Variants in RPS6KA5 observed in about 807,000 individuals in gnomAD.
RPS6KA5 encodes the protein ribosomal protein S6 kinase alpha-5.
Under a neutral mutation model 85.5 loss-of-function variants are expected in RPS6KA5, and 27 were observed. That is an observed-to-expected ratio of 0.32 (90% CI 0.23 to 0.44). The LOEUF (loss-of-function observed/expected upper bound fraction) is 0.44. Among genes scored for constraint, RPS6KA5 ranks in the 20% least tolerant of loss-of-function variants. RPS6KA5 has a pLI of 1.00. For synonymous variants in RPS6KA5, 334 were observed against 348.2 expected, an observed-to-expected ratio of 0.96 and a Z score of 0.46; for missense variants, 811 against 980.9, an observed-to-expected ratio of 0.83 and a Z score of 2.31.
At chr14:90,960,179 A>G (rs1008720914) in intron 3 of RPS6KA5, among the ~76,000 whole-genome samples, 1 of 152,134 alleles carries the variant, frequency 6.6e-6, no homozygotes, top group African/African-American at 2.4e-5. Flanking sequence ...CATTTCAACA[A>G]GAGCTCTGAC....
intron 3 of RPS6KA5, among the ~76,000 whole-genome samples, chr14:90,947,941 C>T (rs2140370402): frequency 6.6e-6 from 1 of 152,298 alleles, no homozygotes; most frequent in East Asian, 1.9e-4. Context: ...CACAAAGTCC[C>T]ATCCTTTCAT....
chr14:90,920,354 A>G (rs758408659), intron 6 of RPS6KA5, 45 bp from the exon 7 acceptor site: 69 of 1,283,132 alleles, frequency 5.4e-5, no homozygotes, highest in African/African-American at 7.6e-5. Flanking sequence ...ATCAACTAAA[A>G]TATTTTATAA....
chr14:90,886,487 A>AAATGAGGTTAT (rs1260012052), intron 14 of RPS6KA5, among the ~76,000 whole-genome samples: 18 of 152,132 alleles, frequency 1.2e-4, no homozygotes, highest in Non-Finnish European at 1.0e-4. Context: ...TTAGGGAGGT[A>AAATGAGGTTAT]ACTAAGGTTA....
At position 90,962,276 on chromosome 14, in the gene RPS6KA5, G is replaced by T. The variant is rs544965232; in HGVS notation, c.395-14726C>A. 4.7e-4 allele frequency among the ~76,000 whole-genome samples: 70 copies of T among 147,586 alleles called. 1 individual carries two copies. The highest frequency in any genetic ancestry group is 3.5e-3 in the Middle Eastern group (1 of 288). On this transcript the variant is annotated intron_variant, in intron 3 of 16. Coordinates refer to ENST00000614987, the MANE Select transcript of RPS6KA5 (RefSeq NM_004755.4). Reference sequence around the variant, plus strand: ...CCCTATTAAAGAATTTTTTCCTAAGGGTTTTTTTTTACAAAAAACTTATCT... The same window carrying T: ...CCCTATTAAAGAATTTTTTCCTAAGTGTTTTTTTTTACAAAAAACTTATCT...
At position 90,852,341 on chromosome 14, in the gene RPS6KA5, C is replaced by T. The variant is rs2032043923; in HGVS notation, c.*19733G>A. ...GACCTCGTGATCTGCCCGCCTCGGC[C>T]TCCCAACACTTTTGTTTAAAAAATG... On this transcript the variant is annotated 3_prime_UTR_variant, in exon 17 of 17. Transcript: ENST00000614987. The T allele has an allele frequency of 6.6e-6, 1 of 151,942 alleles. No individual in the cohort carries two copies. The highest frequency in any genetic ancestry group is 2.1e-4 in the South Asian group (1 of 4,818). The allele number at this position is 151,942 out of a possible 1,614,324, so 9.4% of individuals were successfully genotyped here.
chr14:90,981,405 G>C (rs533150614), intron 2 of RPS6KA5, among the ~76,000 whole-genome samples: 4 of 151,982 alleles, frequency 2.6e-5, no homozygotes, highest in African/African-American at 9.6e-5. Flanking sequence ...TGTTGTGTGG[G>C]GTTGTAAATA....
chr14:90,987,043 T>C (rs925264951), intron 2 of RPS6KA5, among the ~76,000 whole-genome samples: 3 of 152,230 alleles, frequency 2.0e-5, no homozygotes, highest in Non-Finnish European at 4.4e-5. Flanking sequence ...GACAATGTCA[T>C]TTGACACCTT....
chr14:91,056,930 C>T (rs779545362), intron 1 of RPS6KA5, among the ~76,000 whole-genome samples: 32 of 112,768 alleles, frequency 2.8e-4, no homozygotes, highest in Non-Finnish European at 4.9e-4. Flanking sequence ...GTCAGGCTGG[C>T]GTGCAATGGC....
At chr14:91,030,778 C>T (rs1350337394) in intron 1 of RPS6KA5, among the ~76,000 whole-genome samples, 4 of 151,624 alleles carry the variant, frequency 2.6e-5, no homozygotes, top group Admixed American at 6.6e-5. Flanking sequence ...AACAAAAAAT[C>T]AAGCTCTTAG....
At chr14:90,895,404 T>A (rs1383332334) in intron 12 of RPS6KA5, among the ~76,000 whole-genome samples, 2 of 152,202 alleles carry the variant, frequency 1.3e-5, no homozygotes, top group Admixed American at 1.3e-4. Flanking sequence ...TTGAACCTCC[T>A]GTTAGGACTC....
In RPS6KA5 at chr14:90,923,116, G is replaced by C; in HGVS notation, c.699C>G (p.Asp233Glu). The C allele has an allele frequency of 6.2e-7, 1 of 1,604,480 alleles. No homozygotes were observed. Among genetic ancestry groups the C allele is most frequent in the Non-Finnish European group, 8.5e-7 (1 of 1,172,004 alleles). The change falls in exon 6 of 17, where the codon GAC becomes GAG. Residue 233 changes from aspartate (D) to glutamate (E), a missense_variant. By Grantham distance (45) the Asp-to-Glu change is conservative. Around this residue, in one of 3 missense-constraint regions of RPS6KA5, gnomAD observed 650 missense variants for 793.4 expected, o/e 0.82. Coordinates refer to ENST00000614987, the MANE Select transcript of RPS6KA5 (RefSeq NM_004755.4). ...DIVRGGDSGH[D>E]KAVDWWSLGV... ...AAGCATCAAAAATAGAACATACCTTGTCATGTCCTGAATCTCCCCCTCTGA... is the reference window on the plus strand; with the variant it reads ...AAGCATCAAAAATAGAACATACCTTCTCATGTCCTGAATCTCCCCCTCTGA...
Position 90,947,516 on chromosome 14 carries a change from A to C in RPS6KA5, c.429T>G (p.Leu143=). Residue 143 remains leucine (L), a synonymous_variant, in exon 4 of 17, where the codon CTT becomes CTG. Transcript: ENST00000614987. Reference sequence around the variant, plus strand: ...GCTCTGTGAAACGCTCTCTTTGAGAAAGATGAGTAAAAAGTTCACCACCAT... The same window carrying C: ...GCTCTGTGAAACGCTCTCTTTGAGACAGATGAGTAAAAAGTTCACCACCAT... ...YINGGELFTH[L]SQRERFTEHE... is the part of the protein sequence containing the mutation. 1.9e-6 allele frequency: 3 copies of C among 1,610,760 alleles called. No individual in the cohort carries two copies. The highest frequency in any genetic ancestry group is 2.5e-6 in the Non-Finnish European group (3 of 1,177,130).
intron 5 of RPS6KA5, among the ~76,000 whole-genome samples, chr14:90,940,397 G>C (rs1265312661): frequency 1.3e-5 from 2 of 152,128 alleles, no homozygotes; most frequent in African/African-American, 4.8e-5. Flanking sequence ...CTGTTGACAC[G>C]ACTAGCAGCA....
chr14:90,898,399 C>A (rs929056763), intron 12 of RPS6KA5, among the ~76,000 whole-genome samples: 2 of 152,116 alleles, frequency 1.3e-5, no homozygotes, highest in Non-Finnish European at 2.9e-5. Flanking sequence ...TCATTCCTGG[C>A]AATAGCACTC....
At position 91,035,869 on chromosome 14, in the gene RPS6KA5, AAAAAAAAAAAAAC is replaced by A. The variant is rs1317417921; in HGVS notation, c.103+24450_103+24462del. ...CTTCAAAAAAAAAAAAAAAAAAAAA[AAAAAAAAAAAAAC>A]CCCAAAGCTGAAGAATATGGTAATA... is the stretch of plus-strand genomic sequence containing the variant. On this transcript the variant is annotated intron_variant, in intron 1 of 16. Coordinates refer to ENST00000614987, the MANE Select transcript of RPS6KA5 (RefSeq NM_004755.4). Among the ~76,000 whole-genome samples the A allele has an allele frequency of 6.3e-3, 539 of 85,834 alleles. 9 individuals carry two copies. Among genetic ancestry groups the A allele is most frequent in the African/African-American group, 0.02 (504 of 25,278 alleles). 56.3% of individuals were successfully genotyped at this position (85,834 alleles called of 152,430 possible). A position where few individuals can be genotyped will look rare whatever the true frequency, so the allele number is the denominator to read the frequency against.
intron 1 of RPS6KA5, among the ~76,000 whole-genome samples, chr14:91,036,208 T>C (rs986123422): frequency 6.6e-6 from 1 of 152,170 alleles, no homozygotes; most frequent in Non-Finnish European, 1.5e-5. Flanking sequence ...ATAACCAACC[T>C]GTATGGACAG....
chr14:90,915,390 G>A (rs1223049121), intron 7 of RPS6KA5, among the ~76,000 whole-genome samples: 3 of 152,164 alleles, frequency 2.0e-5, no homozygotes, highest in Admixed American at 6.5e-5. Context: ...TCTTCCTAGT[G>A]GACTCTACTG....
At chr14:90,983,620 A>G (rs376344891) in intron 2 of RPS6KA5, among the ~76,000 whole-genome samples, 3 of 151,528 alleles carry the variant, frequency 2.0e-5, no homozygotes, top group African/African-American at 7.3e-5. Context: ...AAGAAGAAAG[A>G]AGAGAGAGAG....
intron 7 of RPS6KA5, among the ~76,000 whole-genome samples, chr14:90,919,590 C>T (rs2036293908): frequency 6.6e-6 from 1 of 152,104 alleles, no homozygotes; most frequent in South Asian, 2.1e-4. Context: ...ATATTTACGG[C>T]ATTCTATATA....
Sources: allele counts gnomAD v4.1 joint callset (sites outside exome capture counted in the v4.1 genomes callset), GRCh38; gene constraint gnomAD v4.1.1; regional missense constraint gnomAD v4.1.1; transcripts MANE v1.5; gene names NCBI Gene and HGNC (gene_info 2026-07-23, HGNC 2026-07-21).